PDE3B: variants seen among roughly 807,000 people sequenced by gnomAD.
PDE3B encodes phosphodiesterase 3B, also known as cGMP-inhibited 3',5'-cyclic phosphodiesterase 3B.
A neutral mutation model predicts 116.8 loss-of-function variants in PDE3B; 66 were observed. That is an observed-to-expected ratio of 0.56 (90% CI 0.46 to 0.69). PDE3B has a LOEUF of 0.69. PDE3B is among the 30% of genes least tolerant of loss of function. The probability of loss-of-function intolerance (pLI) is 0.00; values close to 1 mark genes in which losing one functional copy is unlikely to be tolerated. For missense variants in PDE3B, 1,384 were observed against 1,368.1 expected (o/e 1.01, Z -0.18); for synonymous variants, 595 against 533.6 (o/e 1.12, Z -1.59).
intron 1 of PDE3B, among the ~76,000 whole-genome samples, chr11:14,654,268 C>A (rs1001355582): frequency 3.3e-5 from 5 of 151,850 alleles, no homozygotes; most frequent in African/African-American, 1.2e-4. Context: ...AATTACAGAA[C>A]CTTAAATAAA....
intron 1 of PDE3B, among the ~76,000 whole-genome samples, chr11:14,710,480 G>A (rs1194185493): frequency 1.3e-5 from 2 of 152,148 alleles, no homozygotes; most frequent in Admixed American, 6.6e-5. Flanking sequence ...GTAGGTTCAC[G>A]TCTGAGTGGG....
At chr11:14,892,225 G>A in the PDE3B span, 3 of 1,602,974 alleles carry the variant, frequency 1.9e-6, no homozygotes, top group African/African-American at 1.3e-5. Context: ...CTGGAGGTGC[G>A]AACTCCACAG....
chr11:14,762,180 C>T (rs1857380291), intron 1 of PDE3B, among the ~76,000 whole-genome samples: 1 of 151,110 alleles, frequency 6.6e-6, no homozygotes, highest in Non-Finnish European at 1.5e-5. Flanking sequence ...AATGGGATCT[C>T]ACTGTATTGC....
At chr11:14,658,511 A>G (rs1222359374) in intron 1 of PDE3B, among the ~76,000 whole-genome samples, 1 of 151,480 alleles carries the variant, frequency 6.6e-6, no homozygotes, top group Non-Finnish European at 1.5e-5. Flanking sequence ...ATGCGCCAAC[A>G]CTCCCAGCTA....
chr11:14,826,129 G>C (rs560018382), intron 7 of PDE3B, among the ~76,000 whole-genome samples: 9 of 152,242 alleles, frequency 5.9e-5, no homozygotes, highest in African/African-American at 2.2e-4. Context: ...AGTGTTAAGA[G>C]GGAAATTTAT....
chr11:14,878,704 T>C, the PDE3B span, among the ~76,000 whole-genome samples: 1 of 152,082 alleles, frequency 6.6e-6, no homozygotes, highest in African/African-American at 2.4e-5. Flanking sequence ...TTGTGTACCT[T>C]TTCACAGAAG....
At chr11:14,882,377 C>A in the PDE3B span, among the ~76,000 whole-genome samples, 1 of 152,204 alleles carries the variant, frequency 6.6e-6, no homozygotes, top group Non-Finnish European at 1.5e-5. Flanking sequence ...GTGAGACAAG[C>A]AAATACCTGA....
intron 7 of PDE3B, among the ~76,000 whole-genome samples, chr11:14,827,175 A>C (rs1297318697): frequency 6.6e-6 from 1 of 152,200 alleles, no homozygotes; most frequent in Non-Finnish European, 1.5e-5. Flanking sequence ...ACCTCAAAAT[A>C]ATAAGAACCA....
the PDE3B span, among the ~76,000 whole-genome samples, chr11:14,898,203 T>A: frequency 6.6e-6 from 1 of 151,820 alleles, no homozygotes; most frequent in South Asian, 2.1e-4. Context: ...ACAACCACAC[T>A]GGGAAGCTTT....
At chr11:14,662,959 G>A (rs1305076007) in intron 1 of PDE3B, among the ~76,000 whole-genome samples, 4 of 151,828 alleles carry the variant, frequency 2.6e-5, no homozygotes, top group African/African-American at 4.8e-5. Context: ...TACAGAGAAC[G>A]CCACAAAGAT....
intron 14 of PDE3B, among the ~76,000 whole-genome samples, chr11:14,862,280 C>T (rs1438461434): frequency 6.6e-6 from 1 of 152,156 alleles, no homozygotes; most frequent in East Asian, 1.9e-4. Flanking sequence ...CCCATGTCTG[C>T]CTGACTACTT....
chr11:14,789,283 C>T (rs1273813716), intron 4 of PDE3B, 41 bp downstream of exon 4: 1 of 1,503,280 alleles, frequency 6.7e-7, no homozygotes, highest in South Asian at 1.2e-5. Flanking sequence ...GAATCAAATG[C>T]ATCTACTTTG....
At chr11:14,834,613 C>G (rs1343324971) in intron 10 of PDE3B, among the ~76,000 whole-genome samples, 1 of 152,218 alleles carries the variant, frequency 6.6e-6, no homozygotes, top group East Asian at 1.9e-4. Context: ...TGTAAGTAAC[C>G]AGAATTTGTA....
intron 7 of PDE3B, among the ~76,000 whole-genome samples, chr11:14,820,047 G>A (rs1483662093): frequency 2.0e-5 from 3 of 152,096 alleles, no homozygotes; most frequent in African/African-American, 7.2e-5. Flanking sequence ...AGCCTTTTCA[G>A]GGATTATAGG....
intron 5 of PDE3B, among the ~76,000 whole-genome samples, chr11:14,808,312 G>A (rs1859013332): frequency 6.6e-6 from 1 of 152,138 alleles, no homozygotes; most frequent in African/African-American, 2.4e-5. Flanking sequence ...TAAACCTTTG[G>A]TGTTGGAGGG....
At chr11:14,785,392 C>T (rs995639536) in intron 2 of PDE3B, among the ~76,000 whole-genome samples, 2 of 151,944 alleles carry the variant, frequency 1.3e-5, no homozygotes, top group Admixed American at 1.3e-4. Context: ...AAAAAAATTC[C>T]GCAAAGAGCA....
At chr11:14,848,564 T>C (rs371235563) in intron 12 of PDE3B, among the ~76,000 whole-genome samples, 6 of 152,096 alleles carry the variant, frequency 3.9e-5, no homozygotes, top group Non-Finnish European at 8.8e-5. Context: ...TGTTTGCAGA[T>C]GACATGATTG....
chr11:14,677,988 A>G (rs1854584723), intron 1 of PDE3B, among the ~76,000 whole-genome samples: 1 of 152,104 alleles, frequency 6.6e-6, no homozygotes, highest in South Asian at 2.1e-4. Context: ...GAGTGCGGTG[A>G]CACGATCTCG....
chr11:14,811,891 C>G (rs976499462), intron 5 of PDE3B, among the ~76,000 whole-genome samples: 27 of 152,250 alleles, frequency 1.8e-4, no homozygotes, highest in East Asian at 7.7e-4. Flanking sequence ...GTATTTTATT[C>G]TCTTTGAAGC....
Sources: allele counts gnomAD v4.1 joint callset (sites outside exome capture counted in the v4.1 genomes callset), GRCh38; gene constraint gnomAD v4.1.1; transcripts MANE v1.5; gene names NCBI Gene and HGNC (gene_info 2026-07-23, HGNC 2026-07-21).